GALK2: variants seen among roughly 807,000 people sequenced by gnomAD.
GALK2 encodes galactokinase 2.
GALK2 carries 36 observed loss-of-function variants against 52.4 expected under a neutral mutation model. That is an observed-to-expected ratio of 0.69 (90% confidence interval 0.53 to 0.91). The LOEUF (loss-of-function observed/expected upper bound fraction) is 0.91, where lower values mean the gene tolerates loss of function less well. Ranked by LOEUF, GALK2 falls within the 40% of genes least tolerant of loss-of-function variation. GALK2 has a pLI of 0.00. For missense variants in GALK2, 579 were observed against 559.1 expected (o/e 1.04, Z -0.36); for synonymous variants, 176 against 199.1 (o/e 0.88, Z 0.98).
At chr15:49,340,413 T>TCC (rs1185588384) in intron 3 of GALK2, among the ~76,000 whole-genome samples, 17 of 64,502 alleles carry the variant, frequency 2.6e-4, no homozygotes, top group African/African-American at 3.2e-4. Flanking sequence ...GCCCCCCCCC[T>TCC]CCCCCCCCCG....
Position 49,283,454 on chromosome 15 carries a change from T to C in GALK2, c.604-112T>C. The C allele has an allele frequency of 6.6e-6, 6 of 908,544 alleles. No homozygotes were observed. The South Asian group carries it at 1.0e-4, about 16-fold the overall frequency. The allele number at this position is 908,544 out of a possible 1,614,324, so 56.3% of individuals were successfully genotyped here. ...GCGCCTGGAGGTCAATAAGTAATAT[T>C]TGAATGAATGAATGCATTTTTGACA... is the stretch of plus-strand genomic sequence containing the variant. On this transcript the variant is annotated intron_variant, in intron 6 of 9. Transcript: ENST00000560031.
intron 8 of GALK2, among the ~76,000 whole-genome samples, chr15:49,309,657 G>T (rs927073406): frequency 1.3e-5 from 2 of 149,600 alleles, no homozygotes; most frequent in African/African-American, 4.9e-5. Context: ...TTTCATTCTT[G>T]TTGCCCAGGC....
chr15:49,254,489 G>T (rs75404739), intron 5 of GALK2, among the ~76,000 whole-genome samples: 10,006 of 143,818 alleles, frequency 0.07, 1,561 homozygotes, highest in African/African-American at 0.16. Flanking sequence ...CCTTTTCATT[G>T]TAATGAAAGT....
At chr15:49,189,815 T>G (rs181017780) in intron 1 of GALK2, among the ~76,000 whole-genome samples, 4 of 152,202 alleles carry the variant, frequency 2.6e-5, no homozygotes, top group African/African-American at 9.6e-5. Context: ...ATTATGCTAC[T>G]CAGAATAGTG....
intron 5 of GALK2, among the ~76,000 whole-genome samples, chr15:49,255,797 T>C (rs924000407): frequency 6.6e-6 from 1 of 152,146 alleles, no homozygotes; most frequent in Admixed American, 6.6e-5. Flanking sequence ...TAGTCTTCTA[T>C]TACATGTTTT....
chr15:49,332,087 CCACACACACA>C (rs377139081), downstream of GALK2, among the ~76,000 whole-genome samples: 854 of 127,976 alleles, frequency 6.7e-3, 13 homozygotes, highest in African/African-American at 0.021. Flanking sequence ...TGCACACGTG[CCACACACACA>C]CACACACACA....
At chr15:49,302,875 A>G (rs756616236) in intron 8 of GALK2, among the ~76,000 whole-genome samples, 9 of 152,156 alleles carry the variant, frequency 5.9e-5, no homozygotes, top group South Asian at 2.1e-4. Flanking sequence ...GGTTTTGTCT[A>G]TTGTTTTTGT....
chr15:49,198,061 C>T (rs971591448), intron 1 of GALK2, among the ~76,000 whole-genome samples: 6 of 152,158 alleles, frequency 3.9e-5, no homozygotes, highest in African/African-American at 7.2e-5. Context: ...CAGAGAGCAG[C>T]AAGATTTATC....
upstream of GALK2, among the ~76,000 whole-genome samples, chr15:49,168,718 T>TAAA (rs35361227): frequency 5.2e-4 from 71 of 136,666 alleles, no homozygotes; most frequent in African/African-American, 1.8e-3. Context: ...AAACTCCATC[T>TAAA]AAAAAAAAAA....
chr15:49,197,071 G>A (rs1411333406), intron 1 of GALK2, among the ~76,000 whole-genome samples: 2 of 152,176 alleles, frequency 1.3e-5, no homozygotes, highest in African/African-American at 4.8e-5. Context: ...TTTAGCCTGG[G>A]CAACAGAGCG....
intron 3 of GALK2, 78 bp downstream of exon 3, chr15:49,217,391 A>G: frequency 7.5e-7 from 1 of 1,332,058 alleles, no homozygotes; most frequent in East Asian, 2.4e-5. Context: ...GAGACATCAA[A>G]TTTGTAACAG....
upstream of GALK2, chr15:49,169,219 G>A (rs2084927697): frequency 6.6e-6 from 1 of 151,980 alleles, no homozygotes; most frequent in Non-Finnish European, 1.5e-5. Context: ...ATCTCTCTGA[G>A]TTATGCTACT....
intron 7 of GALK2, among the ~76,000 whole-genome samples, chr15:49,288,048 C>T (rs2033561454): frequency 6.6e-6 from 1 of 152,106 alleles, no homozygotes; most frequent in Non-Finnish European, 1.5e-5. Flanking sequence ...AAAAATTTTT[C>T]AAAGCAAACT....
chr15:49,348,271 A>AATATTT (rs2041809192), intron 3 of GALK2, among the ~76,000 whole-genome samples: 1 of 152,134 alleles, frequency 6.6e-6, no homozygotes, highest in Non-Finnish European at 1.5e-5. Context: ...CCCTCCACAA[A>AATATTT]GCTATTCCAA....
At chr15:49,351,256 A>G (rs1457030860) in intron 3 of GALK2, among the ~76,000 whole-genome samples, 1 of 152,184 alleles carries the variant, frequency 6.6e-6, no homozygotes, top group Non-Finnish European at 1.5e-5. Flanking sequence ...CTTCCACACA[A>G]TGCAAAAATG....
At chr15:49,320,347 G>A (rs994918741) in intron 9 of GALK2, among the ~76,000 whole-genome samples, 1 of 152,188 alleles carries the variant, frequency 6.6e-6, no homozygotes, top group Non-Finnish European at 1.5e-5. Context: ...GGAAATAAAG[G>A]CTGAAGAAAG....
intron 8 of GALK2, among the ~76,000 whole-genome samples, chr15:49,299,735 T>TTTCTTTCTTTCTTTCTTTTC (rs1347140534): frequency 1.5e-4 from 12 of 77,566 alleles, no homozygotes; most frequent in Admixed American, 4.9e-4. Flanking sequence ...TCTTTCTTTC[T>TTTCTTTCTTTCTTTCTTTTC]TTTCTTTCTT....
Position 49,267,178 on chromosome 15 carries a change from G to A in GALK2, c.505-14809G>A, listed in dbSNP as rs1417828814. 2.6e-5 allele frequency among the ~76,000 whole-genome samples: 4 copies of A among 152,144 alleles called. No individual in the cohort carries two copies. In the East Asian group the frequency reaches 7.7e-4, roughly 29 times the overall value. On this transcript the variant is annotated intron_variant, in intron 5 of 9. Transcript: ENST00000560031. Reference sequence around the variant, plus strand: ...TGGGCTCAACTCTGAATACAGCATGGCCAAATGGGAAGTTATAGCCAAGGA... The same window carrying A: ...TGGGCTCAACTCTGAATACAGCATGACCAAATGGGAAGTTATAGCCAAGGA...
intron 8 of GALK2, among the ~76,000 whole-genome samples, chr15:49,312,127 C>A (rs1448032832): frequency 6.6e-6 from 1 of 152,190 alleles, no homozygotes; most frequent in Non-Finnish European, 1.5e-5. Flanking sequence ...GATCCAGACA[C>A]CCTCTTGACT....
Sources: gnomAD v4.1 joint callset for allele counts (sites outside exome capture counted in the v4.1 genomes callset) on GRCh38, gnomAD v4.1.1 for gene constraint, MANE v1.5 for transcripts, NCBI Gene and HGNC (gene_info 2026-07-23, HGNC 2026-07-21) for gene names.